The following TAF2 variants were observed in gnomAD, a reference collection of about 807,000 sequenced individuals.
TAF2 encodes transcription initiation factor TFIID subunit 2.
Under a neutral mutation model 138.5 loss-of-function variants are expected in TAF2, and 61 were observed. The observed-to-expected ratio is 0.44, with a 90% CI of 0.36 to 0.54. The LOEUF (loss-of-function observed/expected upper bound fraction) is 0.54, where lower values mean the gene tolerates loss of function less well. Among genes scored for constraint, TAF2 ranks in the 20% least tolerant of loss-of-function variants. TAF2 has a pLI of 0.00. For missense variants in TAF2, 1,090 were observed against 1,427.9 expected (o/e 0.76, Z 3.81); for synonymous variants, 475 against 469.9 (o/e 1.01, Z -0.14).
intron 9 of TAF2, among the ~76,000 whole-genome samples, chr8:119,794,765 T>C (rs569264837): frequency 1.4e-4 from 22 of 152,350 alleles, no homozygotes; most frequent in African/African-American, 5.3e-4. Context: ...ACTCCAGTTC[T>C]AGATGTACAA....
At chr8:119,783,937 T>C (rs1211396034) in intron 15 of TAF2, among the ~76,000 whole-genome samples, 1 of 152,196 alleles carries the variant, frequency 6.6e-6, no homozygotes, top group Non-Finnish European at 1.5e-5. Context: ...CATCTGAAAT[T>C]ATTTTGGTGA....
intron 18 of TAF2, among the ~76,000 whole-genome samples, chr8:119,769,958 C>T (rs1207071261): frequency 1.3e-5 from 2 of 151,872 alleles, no homozygotes; most frequent in Non-Finnish European, 2.9e-5. Context: ...GGGGTATCAC[C>T]ATGTTAGACA....
chr8:119,799,402 T>G (rs889512142), intron 6 of TAF2, among the ~76,000 whole-genome samples: 1 of 151,442 alleles, frequency 6.6e-6, no homozygotes, highest in African/African-American at 2.4e-5. Flanking sequence ...TGAGAACATG[T>G]GGTGTTTGGT....
intron 4 of TAF2, among the ~76,000 whole-genome samples, chr8:119,805,661 C>T (rs149163456): frequency 0.033 from 5,019 of 151,716 alleles, 104 homozygotes; most frequent in Non-Finnish European, 0.048. Flanking sequence ...GCCAAGATTG[C>T]GCCATTGCAC....
chr8:119,815,814 C>T (rs191400064), intron 3 of TAF2, among the ~76,000 whole-genome samples: 107 of 152,118 alleles, frequency 7.0e-4, no homozygotes, highest in East Asian at 3.3e-3. Flanking sequence ...AAATATATGT[C>T]GAAAAACTTC....
Position 119,744,555 on chromosome 8 carries a change from A to C in TAF2, c.3109-162T>G, listed in dbSNP as rs1014182418. ...TTCTTCAAAGATATTAAGAGAAAGA[A>C]AAGATTATGTGGTCCAGCCTCTAAA... On this transcript the variant is annotated intron_variant, in intron 23 of 25. Coordinates refer to ENST00000378164, the MANE Select transcript of TAF2 (RefSeq NM_003184.4). The C allele has an allele frequency of 4.5e-6, 3 of 673,050 alleles. No homozygotes were observed. The African/African-American group carries it at 5.4e-5, about 12-fold the overall frequency. The allele number at this position is 673,050 out of a possible 1,614,324, so 41.7% of individuals were successfully genotyped here.
intron 6 of TAF2, among the ~76,000 whole-genome samples, chr8:119,800,789 C>G (rs1443506419): frequency 1.3e-5 from 2 of 152,134 alleles, no homozygotes; most frequent in East Asian, 3.9e-4. Flanking sequence ...GCCTGCTGCC[C>G]TCAATTTTTA....
At chr8:119,792,998 T>C (rs115681456) in intron 10 of TAF2, among the ~76,000 whole-genome samples, 10 of 152,200 alleles carry the variant, frequency 6.6e-5, no homozygotes, top group African/African-American at 2.4e-4. Context: ...CAAGTGGTAT[T>C]ATGCATCTCC....
chr8:119,823,880 G>C (rs1825938762), intron 2 of TAF2, among the ~76,000 whole-genome samples: 1 of 152,196 alleles, frequency 6.6e-6, no homozygotes, highest in Non-Finnish European at 1.5e-5. Flanking sequence ...GTCTCAGATG[G>C]AGATGAGAAA....
intron 15 of TAF2, 116 bp downstream of exon 15, chr8:119,785,080 TTAAAA>T (rs2131147542): frequency 2.7e-6 from 2 of 736,976 alleles, no homozygotes; most frequent in South Asian, 1.8e-5. Flanking sequence ...TTCTATTAAA[TTAAAA>T]TAATGTTAAA....
At chr8:119,744,673 C>T in intron 23 of TAF2, 1 of 456,556 alleles carries the variant, frequency 2.2e-6, no homozygotes, top group South Asian at 2.1e-5. Flanking sequence ...GGAACGTGCA[C>T]ACATAGTTCC....
chr8:119,780,674 A>G (rs370000792), intron 17 of TAF2, among the ~76,000 whole-genome samples: 1 of 152,170 alleles, frequency 6.6e-6, no homozygotes, highest in Non-Finnish European at 1.5e-5. Flanking sequence ...GGTGGCTCAC[A>G]CCTGTAATCT....
At chr8:119,823,473 G>C (rs758174240) in intron 2 of TAF2, among the ~76,000 whole-genome samples, 9 of 146,712 alleles carry the variant, frequency 6.1e-5, no homozygotes, top group Non-Finnish European at 1.2e-4. Context: ...GAATTTTTCT[G>C]CACAAGCTCT....
At chr8:119,812,310 T>C (rs1825126334) in intron 3 of TAF2, among the ~76,000 whole-genome samples, 1 of 151,424 alleles carries the variant, frequency 6.6e-6, no homozygotes. Context: ...GGGAGCCGAA[T>C]GTGATTGCTG....
At chr8:119,824,974 C>T (rs920383994) in intron 2 of TAF2, among the ~76,000 whole-genome samples, 1 of 152,252 alleles carries the variant, frequency 6.6e-6, no homozygotes, top group African/African-American at 2.4e-5. Flanking sequence ...AGGGTCCCTA[C>T]TGAGGCACCA....
At chr8:119,742,403 G>A in intron 25 of TAF2, 131 bp downstream of exon 25, 1 of 1,117,234 alleles carries the variant, frequency 9.0e-7, no homozygotes. Context: ...TAAGCTCAAT[G>A]TATTACAAGA....
At chr8:119,797,499 T>C (rs750996165) in intron 7 of TAF2, among the ~76,000 whole-genome samples, 163 bp downstream of exon 7, 1 of 152,150 alleles carries the variant, frequency 6.6e-6, no homozygotes, top group Non-Finnish European at 1.5e-5. Flanking sequence ...CTTCATGTTT[T>C]TCTACATTTA....
chr8:119,829,795 A>C (rs971612812), intron 2 of TAF2, among the ~76,000 whole-genome samples: 7 of 152,094 alleles, frequency 4.6e-5, no homozygotes, highest in Admixed American at 1.3e-4. Context: ...AGTGATTAAA[A>C]AGGGTTTCAT....
chr8:119,832,336 C>T, intron 1 of TAF2, 146 bp downstream of exon 1: 1 of 727,020 alleles, frequency 1.4e-6, no homozygotes, highest in Admixed American at 2.6e-5. Flanking sequence ...ACATTTTTAC[C>T]TTACAAACAC....
Sources: gnomAD v4.1 joint callset for allele counts (sites outside exome capture counted in the v4.1 genomes callset) on GRCh38, gnomAD v4.1.1 for gene constraint, MANE v1.5 for transcripts, NCBI Gene and HGNC (gene_info 2026-07-23, HGNC 2026-07-21) for gene names.